The following TENM2 variants were observed in gnomAD, a reference collection of about 807,000 sequenced individuals.
The protein encoded by TENM2 is teneurin transmembrane protein 2.
Under a neutral mutation model 245.2 loss-of-function variants are expected in TENM2, and 52 were observed. The observed-to-expected ratio is 0.21, with a 90% confidence interval of 0.17 to 0.27. TENM2 has a LOEUF of 0.27. Ranked by LOEUF, TENM2 falls within the 10% of genes least tolerant of loss-of-function variation. The pLI, the probability that TENM2 is intolerant of heterozygous loss-of-function variation, is 1.00. For synonymous variants in TENM2, 1,363 were observed against 1,438.9 expected (o/e 0.95, Z 1.19); for missense variants, 3,046 against 3,666.8 (o/e 0.83, Z 4.37).
chr5:167,815,778 G>A (rs906654504), intron 2 of TENM2, among the ~76,000 whole-genome samples: 3 of 152,042 alleles, frequency 2.0e-5, no homozygotes, highest in Admixed American at 6.6e-5. Context: ...GTGGGAGAAT[G>A]AGAGGGAAAA....
chr5:167,469,521 A>G (rs890754046), intron 2 of TENM2, among the ~76,000 whole-genome samples: 1 of 152,088 alleles, frequency 6.6e-6, no homozygotes, highest in Non-Finnish European at 1.5e-5. Context: ...TTTCTAGAAT[A>G]TTTGTTATTG....
chr5:168,105,519 G>A (rs78559078), intron 9 of TENM2, among the ~76,000 whole-genome samples: 1,788 of 152,306 alleles, frequency 0.012, 39 homozygotes, highest in African/African-American at 0.041. Flanking sequence ...GAGGATGCCT[G>A]TAAGGCATCA....
At chr5:167,588,445 T>G (rs984185404) in intron 2 of TENM2, among the ~76,000 whole-genome samples, 1 of 152,246 alleles carries the variant, frequency 6.6e-6, no homozygotes, top group African/African-American at 2.4e-5. Flanking sequence ...TTGTGTGAAA[T>G]TCATTTTAGA....
chr5:167,684,764 T>C (rs1046767951), intron 2 of TENM2, among the ~76,000 whole-genome samples: 3 of 152,246 alleles, frequency 2.0e-5, no homozygotes, highest in Admixed American at 2.0e-4. Flanking sequence ...TCATCTTTAC[T>C]GAGCACCTAC....
At chr5:167,509,376 C>G (rs1769770002) in intron 2 of TENM2, among the ~76,000 whole-genome samples, 2 of 152,208 alleles carry the variant, frequency 1.3e-5, no homozygotes, top group Non-Finnish European at 2.9e-5. Flanking sequence ...TTTTGCTTCA[C>G]TTGAAATAAT....
chr5:167,553,970 A>G (rs1773110152), intron 2 of TENM2, among the ~76,000 whole-genome samples: 1 of 152,210 alleles, frequency 6.6e-6, no homozygotes, highest in Admixed American at 6.5e-5. Flanking sequence ...TCAGCATGGA[A>G]GGGTCCTCTT....
At chr5:168,230,625 C>G (rs1165925304) in intron 25 of TENM2, among the ~76,000 whole-genome samples, 4 of 151,864 alleles carry the variant, frequency 2.6e-5, no homozygotes, top group African/African-American at 9.7e-5. Flanking sequence ...ATGGGCTCTT[C>G]TCTCCCTATC....
At chr5:168,124,971 C>T (rs1459626993) in exon 11 of TENM2, 16 of 1,611,794 alleles carry the variant, frequency 9.9e-6, no homozygotes, top group Non-Finnish European at 1.3e-5. Context: ...CAGACCAGTG[C>T]AGTGGGCATG....
At chr5:167,934,126 C>T (rs1032043487) in intron 3 of TENM2, among the ~76,000 whole-genome samples, 7 of 152,196 alleles carry the variant, frequency 4.6e-5, no homozygotes, top group East Asian at 1.9e-4. Context: ...GACTGATTCC[C>T]CCAGAACACA....
the TENM2 span, among the ~76,000 whole-genome samples, chr5:167,131,924 GC>G: frequency 2.0e-5 from 3 of 152,280 alleles, no homozygotes; most frequent in South Asian, 2.1e-4. Context: ...CCAGGTTCAA[GC>G]AATTCTCCTG....
At chr5:167,322,110 G>A (rs796129767) in intron 1 of TENM2, among the ~76,000 whole-genome samples, 2 of 151,912 alleles carry the variant, frequency 1.3e-5, no homozygotes, top group African/African-American at 2.4e-5. Context: ...GGCATGATAG[G>A]CTTGAGCCAC....
the TENM2 span, among the ~76,000 whole-genome samples, chr5:167,263,884 A>T: frequency 4.6e-5 from 7 of 152,124 alleles, no homozygotes; most frequent in South Asian, 1.5e-3. Context: ...TGGGTGGATC[A>T]CTTGAGGTCA....
At chr5:167,254,534 C>T in the TENM2 span, among the ~76,000 whole-genome samples, 1 of 152,154 alleles carries the variant, frequency 6.6e-6, no homozygotes, top group African/African-American at 2.4e-5. Flanking sequence ...TTCAACTTCT[C>T]TCTTGTAGTC....
At chr5:167,640,001 T>C (rs1236322760) in intron 2 of TENM2, among the ~76,000 whole-genome samples, 1 of 152,220 alleles carries the variant, frequency 6.6e-6, no homozygotes, top group Non-Finnish European at 1.5e-5. Flanking sequence ...AGCCTGATAG[T>C]GCAGTTCTAG....
chr5:167,282,716 T>C (rs1034030444), upstream of TENM2, among the ~76,000 whole-genome samples: 2 of 152,158 alleles, frequency 1.3e-5, no homozygotes, highest in African/African-American at 4.8e-5. Context: ...TGGCATCCAA[T>C]TAAGACTTCA....
chr5:168,144,140 C>T (rs1044392449), intron 12 of TENM2, among the ~76,000 whole-genome samples: 3 of 151,710 alleles, frequency 2.0e-5, no homozygotes, highest in South Asian at 2.1e-4. Context: ...ATTACAGGCG[C>T]GAGCCACTGC....
chr5:167,669,589 C>A (rs1364309570), intron 2 of TENM2, among the ~76,000 whole-genome samples: 1 of 151,662 alleles, frequency 6.6e-6, no homozygotes, highest in Non-Finnish European at 1.5e-5. Context: ...TTCTGATATC[C>A]CCCCCTTGGC....
At chr5:167,922,362 G>A (rs754507028) in intron 3 of TENM2, among the ~76,000 whole-genome samples, 19 of 151,794 alleles carry the variant, frequency 1.3e-4, no homozygotes, top group Non-Finnish European at 2.6e-4. Context: ...GGCCCCTGCA[G>A]CTCCATAGTC....
intron 2 of TENM2, among the ~76,000 whole-genome samples, chr5:167,548,067 C>A (rs985735837): frequency 2.0e-5 from 3 of 152,248 alleles, no homozygotes; most frequent in South Asian, 2.1e-4. Context: ...ACTTATCATT[C>A]CCCAGGATGA....
Sources: gnomAD v4.1 joint callset for allele counts (sites outside exome capture counted in the v4.1 genomes callset) on GRCh38, gnomAD v4.1.1 for gene constraint, MANE v1.5 for transcripts, NCBI Gene and HGNC (gene_info 2026-07-23, HGNC 2026-07-21) for gene names.